PTPRA: variants seen among roughly 807,000 people sequenced by gnomAD.
PTPRA encodes receptor-type tyrosine-protein phosphatase alpha.
In PTPRA, 25 loss-of-function variants were observed where a neutral mutation model predicts 104.8. That is an observed-to-expected ratio of 0.24 (90% CI 0.17 to 0.33). The LOEUF is 0.33. Among genes scored for constraint, PTPRA ranks in the 10% least tolerant of loss-of-function variants. The pLI is 1.00. For synonymous variants in PTPRA, 323 were observed against 368.9 expected (o/e 0.88, Z 1.43); for missense variants, 765 against 1,015.3 (o/e 0.75, Z 3.35).
At chr20:2,902,344 T>G (rs2147116349) in intron 1 of PTPRA, among the ~76,000 whole-genome samples, 1 of 152,332 alleles carries the variant, frequency 6.6e-6, no homozygotes, top group East Asian at 1.9e-4. Flanking sequence ...CAAATCAAAT[T>G]ATTCTGAAGC....
chr20:2,971,947 G>A (rs1035299911), intron 5 of PTPRA, among the ~76,000 whole-genome samples: 1 of 152,164 alleles, frequency 6.6e-6, no homozygotes, highest in East Asian at 1.9e-4. Context: ...TGATTCCCCT[G>A]CCTCAGCCTC....
chr20:3,019,251 G>A (rs1435565499), intron 13 of PTPRA, among the ~76,000 whole-genome samples: 1 of 150,338 alleles, frequency 6.7e-6, no homozygotes. Flanking sequence ...CGGGCGGGGG[G>A]CTGACCCCCC....
At chr20:2,898,941 T>C (rs1352255755) in intron 1 of PTPRA, among the ~76,000 whole-genome samples, 2 of 152,356 alleles carry the variant, frequency 1.3e-5, no homozygotes, top group South Asian at 4.1e-4. Context: ...CCCTGGTTCC[T>C]TTTATTAGTG....
chr20:2,979,888 G>A (rs1156612551), intron 6 of PTPRA, among the ~76,000 whole-genome samples: 2 of 151,014 alleles, frequency 1.3e-5, no homozygotes, highest in Admixed American at 6.6e-5. Context: ...TAATCATGTT[G>A]GTGTTTTTTT....
intron 6 of PTPRA, among the ~76,000 whole-genome samples, chr20:2,977,991 A>G (rs965625289): frequency 4.6e-5 from 7 of 151,998 alleles, no homozygotes; most frequent in Non-Finnish European, 1.5e-5. Context: ...TAAAATAGCA[A>G]ATGGGGAAAA....
At position 3,027,771 on chromosome 20, in the gene PTPRA, T is replaced by A. The variant is rs768557870; in HGVS notation, c.1850T>A (p.Phe617Tyr). ...CCTCTTCTCCACACAATTGAGGACT[T>A]CTGGCGAATGATCTGGGAGTGGAAA... ...QGPLLHTIED[F>Y]WRMIWEWKSC... Residue 617 changes from phenylalanine to tyrosine, a missense_variant, in exon 20 of 24, where the codon TTC (phenylalanine) becomes TAC (tyrosine). Coordinates refer to ENST00000399903, the MANE Select transcript of PTPRA (RefSeq NM_001385305.1). 6.2e-7 allele frequency: 1 copy of A among 1,614,176 alleles called. No homozygotes were observed. Among genetic ancestry groups the A allele is most frequent in the Admixed American group, 1.7e-5 (1 of 60,026 alleles).
At chr20:2,934,296 A>G (rs915193220) in intron 2 of PTPRA, among the ~76,000 whole-genome samples, 2 of 151,764 alleles carry the variant, frequency 1.3e-5, no homozygotes, top group Admixed American at 6.6e-5. Flanking sequence ...TAGAGACTAT[A>G]TTTCACCATG....
chr20:2,963,996 TA>T (rs11477043), intron 3 of PTPRA, among the ~76,000 whole-genome samples: 11,940 of 152,108 alleles, frequency 0.078, 1,087 homozygotes, highest in African/African-American at 0.21. Flanking sequence ...GCTATGATCA[TA>T]ACCACTGTCT....
chr20:3,029,447 T>C (rs1194424918), intron 20 of PTPRA, among the ~76,000 whole-genome samples: 1 of 151,960 alleles, frequency 6.6e-6, no homozygotes, highest in Non-Finnish European at 1.5e-5. Flanking sequence ...GGCATTTTTT[T>C]CAATTTTGAT....
the PTPRA span, among the ~76,000 whole-genome samples, chr20:2,867,299 G>A: frequency 6.6e-6 from 1 of 152,222 alleles, no homozygotes; most frequent in Non-Finnish European, 1.5e-5. Context: ...AGGGGTCAGG[G>A]GGTGGTGGCC....
chr20:3,010,460 C>T (rs1183691056), intron 11 of PTPRA, among the ~76,000 whole-genome samples: 1 of 151,880 alleles, frequency 6.6e-6, no homozygotes, highest in African/African-American at 2.4e-5. Flanking sequence ...AACCCCGTCT[C>T]TACTAAAAAT....
intron 3 of PTPRA, chr20:2,955,579 T>C: frequency 1.1e-6 from 1 of 952,216 alleles, no homozygotes; most frequent in Middle Eastern, 5.4e-4. Flanking sequence ...AGAGAAGACA[T>C]ATAATGAAAG....
At chr20:2,930,663 A>G (rs1419881650) in intron 2 of PTPRA, among the ~76,000 whole-genome samples, 2 of 152,174 alleles carry the variant, frequency 1.3e-5, no homozygotes, top group African/African-American at 2.4e-5. Flanking sequence ...TCTTTCTTCA[A>G]TTGGCATTTT....
intron 6 of PTPRA, among the ~76,000 whole-genome samples, chr20:2,983,619 C>T (rs967665914): frequency 1.3e-5 from 2 of 149,874 alleles, no homozygotes; most frequent in African/African-American, 4.9e-5. Context: ...AGATATATCT[C>T]CAAAATATAT....
chr20:2,910,595 TTTTTGTTTTTTTTAA>T (rs2059681652), intron 1 of PTPRA, among the ~76,000 whole-genome samples: 2 of 126,094 alleles, frequency 1.6e-5, no homozygotes, highest in African/African-American at 3.3e-5. Context: ...TTTTGTTTTT[TTTTTGTTTTTTTTAA>T]TTTTTTTTTT....
chr20:2,952,642 A>T (rs894557372), intron 3 of PTPRA, among the ~76,000 whole-genome samples: 1 of 152,188 alleles, frequency 6.6e-6, no homozygotes, highest in Admixed American at 6.6e-5. Context: ...TTGTTGTGCA[A>T]CCATCACCGC....
chr20:3,001,686 A>C (rs1328511295), intron 9 of PTPRA, among the ~76,000 whole-genome samples: 1 of 152,222 alleles, frequency 6.6e-6, no homozygotes, highest in African/African-American at 2.4e-5. Flanking sequence ...GTAAGAGTCC[A>C]GCCCAGGAAA....
the PTPRA span, among the ~76,000 whole-genome samples, chr20:2,868,226 C>T: frequency 2.0e-5 from 3 of 151,678 alleles, no homozygotes; most frequent in Non-Finnish European, 4.4e-5. Flanking sequence ...TTGGAAGTTA[C>T]GTGGTGTCAC....
intron 3 of PTPRA, among the ~76,000 whole-genome samples, chr20:2,960,983 A>C (rs1238066568): frequency 6.6e-6 from 1 of 151,964 alleles, no homozygotes. Flanking sequence ...AGCAGTGAGT[A>C]ATATTTCATT....
Sources: allele counts gnomAD v4.1 joint callset (sites outside exome capture counted in the v4.1 genomes callset), GRCh38; gene constraint gnomAD v4.1.1; transcripts MANE v1.5; gene names NCBI Gene and HGNC (gene_info 2026-07-23, HGNC 2026-07-21).